Variants in RARB observed in about 807,000 individuals in gnomAD.
RARB encodes the protein HBV-activated protein.
In RARB, 17 loss-of-function variants were observed where a neutral mutation model predicts 51.9. That is an observed-to-expected ratio of 0.33 (90% confidence interval 0.22 to 0.49). RARB has a LOEUF of 0.49. RARB is among the 20% of genes least tolerant of loss of function. RARB has a pLI of 0.99. For missense variants in RARB, 369 were observed against 550.8 expected, an observed-to-expected ratio of 0.67 and a Z score of 3.30; for synonymous variants, 215 against 195.4, an observed-to-expected ratio of 1.10 and a Z score of -0.84.
chr3:25,160,186 G>T (rs1700450843), intron 4 of RARB, among the ~76,000 whole-genome samples: 1 of 152,164 alleles, frequency 6.6e-6, no homozygotes, highest in African/African-American at 2.4e-5. Context: ...CTAGGCTCTG[G>T]TAATTTTCAG....
At chr3:25,588,624 G>T (rs1701495811) in intron 5 of RARB, among the ~76,000 whole-genome samples, 1 of 152,306 alleles carries the variant, frequency 6.6e-6, no homozygotes, top group East Asian at 1.9e-4. Flanking sequence ...GGGTGGTTCT[G>T]GCTCGGTATC....
At chr3:24,898,541 T>G (rs1248511710) in intron 2 of RARB, among the ~76,000 whole-genome samples, 2 of 152,088 alleles carry the variant, frequency 1.3e-5, no homozygotes, top group Non-Finnish European at 2.9e-5. Flanking sequence ...AAAAATAACC[T>G]TATGCGTAGA....
chr3:25,490,381 A>C (rs1336196301), intron 2 of RARB, among the ~76,000 whole-genome samples: 1 of 152,240 alleles, frequency 6.6e-6, no homozygotes, highest in Non-Finnish European at 1.5e-5. Flanking sequence ...TGAATTATGC[A>C]ATATGCAGCA....
rs114172136 is a variant in RARB at position 25,411,995 on chromosome 3, A to G, written c.179-49198A>G. ...TGGAAAACTGCAAGTGGAATCACCCATTCTGATTTTAAACATTCTCTTTCT... is the reference window on the plus strand; with the variant it reads ...TGGAAAACTGCAAGTGGAATCACCCGTTCTGATTTTAAACATTCTCTTTCT... On this transcript the variant is annotated intron_variant, in intron 5 of 11. Coordinates refer to the RARB transcript ENST00000383772. Among the ~76,000 whole-genome samples the G allele has an allele frequency of 4.5e-3, 683 of 152,306 alleles. 7 individuals carry two copies. Among genetic ancestry groups the G allele is most frequent in the African/African-American group, 0.016 (659 of 41,564 alleles).
chr3:25,115,991 C>T (rs1225779206), intron 3 of RARB, among the ~76,000 whole-genome samples: 3 of 152,246 alleles, frequency 2.0e-5, no homozygotes, highest in Middle Eastern at 3.4e-3. Context: ...TGAGAATTCT[C>T]TCCCACAGAT....
At chr3:25,559,599 GTGT>G (rs1700193283) in intron 3 of RARB, among the ~76,000 whole-genome samples, 1 of 152,218 alleles carries the variant, frequency 6.6e-6, no homozygotes. Context: ...GGCAAACAAA[GTGT>G]AAGTGCTCAA....
intron 3 of RARB, among the ~76,000 whole-genome samples, chr3:25,071,197 G>A (rs1025141386): frequency 3.9e-5 from 6 of 152,144 alleles, no homozygotes; most frequent in African/African-American, 1.4e-4. Flanking sequence ...CCCATTAGTA[G>A]GTGCTCAATA....
intron 2 of RARB, among the ~76,000 whole-genome samples, chr3:24,882,726 C>T (rs917912498): frequency 6.6e-6 from 1 of 152,108 alleles, no homozygotes; most frequent in East Asian, 1.9e-4. Flanking sequence ...AACTTGTTAC[C>T]CAGTCCACAG....
chr3:25,126,557 A>C (rs1699863740), intron 3 of RARB, among the ~76,000 whole-genome samples: 1 of 152,042 alleles, frequency 6.6e-6, no homozygotes, highest in Non-Finnish European at 1.5e-5. Flanking sequence ...TGCATTTCAA[A>C]CTTTCATGTG....
rs1039875356 is a variant in RARB, at chr3:25,460,912, G to A, written c.158-281G>A. 9.2e-5 allele frequency among the ~76,000 whole-genome samples: 14 copies of A among 152,086 alleles called. 1 individual carries two copies. On this transcript the variant is annotated intron_variant, in intron 1 of 7. Coordinates refer to ENST00000330688, the MANE Select transcript of RARB (RefSeq NM_000965.5). ...TTCCTTCCTTTGAGTTTCTGTTTCTGTTGTGGCTAAAATTGTGATAAAAAC... is the reference window on the plus strand; with the variant it reads ...TTCCTTCCTTTGAGTTTCTGTTTCTATTGTGGCTAAAATTGTGATAAAAAC...
rs1435614181 is a variant in RARB at position 25,060,374 on chromosome 3, T to C, written c.-328+198T>C. Reference sequence around the variant, plus strand: ...GTTCTATAAATGGTTCTTTTATGTATATTTTGTAGAGATAGAATGTCTTAT... The same window carrying C: ...GTTCTATAAATGGTTCTTTTATGTACATTTTGTAGAGATAGAATGTCTTAT... On this transcript the variant is annotated intron_variant, in intron 3 of 11. Transcript: ENST00000383772. Among the ~76,000 whole-genome samples, 4 of 151,856 alleles carry C rather than the reference T, an allele frequency of 2.6e-5. No individual in the cohort carries two copies. In the East Asian group the frequency reaches 7.7e-4, roughly 29 times the overall value.
At chr3:25,361,577 T>C (rs574808735) in intron 5 of RARB, among the ~76,000 whole-genome samples, 230 of 152,346 alleles carry the variant, frequency 1.5e-3, no homozygotes, top group Admixed American at 3.4e-3. Flanking sequence ...GTTTCTGAAA[T>C]CTTCAGCCTT....
intron 2 of RARB, among the ~76,000 whole-genome samples, chr3:25,001,588 C>T (rs1291830315): frequency 6.6e-6 from 1 of 152,122 alleles, no homozygotes; most frequent in Non-Finnish European, 1.5e-5. Context: ...GCCAGAAGAT[C>T]AGCTCTTAGC....
chr3:25,423,902 A>G (rs561967885), upstream of RARB, among the ~76,000 whole-genome samples: 29 of 152,360 alleles, frequency 1.9e-4, 1 homozygote, highest in South Asian at 6.0e-3. Flanking sequence ...CAGGGGTTGT[A>G]TTTAACTTTC....
chr3:25,497,378 C>T (rs930728467), intron 2 of RARB, among the ~76,000 whole-genome samples: 2 of 152,204 alleles, frequency 1.3e-5, no homozygotes, highest in African/African-American at 4.8e-5. Flanking sequence ...CTATTCTTGC[C>T]CATGCAGATA....
intron 1 of RARB, among the ~76,000 whole-genome samples, chr3:25,454,333 GCTCT>G (rs1419913241): frequency 6.6e-6 from 1 of 152,158 alleles, no homozygotes; most frequent in Non-Finnish European, 1.5e-5. Flanking sequence ...ATCCAGATAG[GCTCT>G]CTTTGGTGCC....
intron 2 of RARB, among the ~76,000 whole-genome samples, chr3:25,057,211 C>G (rs925840156): frequency 6.6e-6 from 1 of 152,024 alleles, no homozygotes; most frequent in Non-Finnish European, 1.5e-5. Context: ...CAAACCAGCC[C>G]GTGTTGGCAG....
At chr3:25,111,933 GAT>G (rs934072992) in intron 3 of RARB, among the ~76,000 whole-genome samples, 1 of 151,990 alleles carries the variant, frequency 6.6e-6, no homozygotes, top group African/African-American at 2.4e-5. Context: ...CTTTGATTTG[GAT>G]ATGTTTTGAA....
chr3:25,125,490 G>A (rs1271158981), intron 3 of RARB, among the ~76,000 whole-genome samples: 1 of 152,106 alleles, frequency 6.6e-6, no homozygotes, highest in Non-Finnish European at 1.5e-5. Context: ...GGCGTATGAA[G>A]GAATAACCAG....
Sources: allele counts gnomAD v4.1 joint callset (sites outside exome capture counted in the v4.1 genomes callset), GRCh38; gene constraint gnomAD v4.1.1; transcripts MANE v1.5; gene names NCBI Gene and HGNC (gene_info 2026-07-23, HGNC 2026-07-21).